Variants in CBL observed in about 807,000 individuals in gnomAD.
CBL encodes Cbl proto-oncogene, also known as E3 ubiquitin-protein ligase CBL.
In CBL, 45 loss-of-function variants were observed where a neutral mutation model predicts 96.9. The ratio of observed to expected loss-of-function variants is 0.46; its 90% CI spans 0.37 to 0.60. The LOEUF is 0.60. Among genes scored for constraint, CBL ranks in the 20% least tolerant of loss-of-function variants. The pLI is 0.00. For synonymous variants in CBL, 420 were observed against 426.8 expected (o/e 0.98, Z 0.20); for missense variants, 1,024 against 1,143.5 (o/e 0.90, Z 1.51).
At chr11:119,266,777 A>G (rs1398144016) in intron 2 of CBL, among the ~76,000 whole-genome samples, 1 of 152,216 alleles carries the variant, frequency 6.6e-6, no homozygotes, top group Non-Finnish European at 1.5e-5. Flanking sequence ...TTAGAGTGGA[A>G]GGCGAATGAC....
At chr11:119,216,384 A>ATTTTTTTT (rs1052118466) in intron 1 of CBL, among the ~76,000 whole-genome samples, 1 of 136,092 alleles carries the variant, frequency 7.3e-6, no homozygotes, top group East Asian at 2.1e-4. Context: ...TTATTTATTT[A>ATTTTTTTT]TTTTTTGAGA....
intron 12 of CBL, among the ~76,000 whole-genome samples, chr11:119,292,711 C>T (rs1211542268): frequency 1.2e-4 from 18 of 152,252 alleles, no homozygotes; most frequent in African/African-American, 3.9e-4. Context: ...TGAGCCACTG[C>T]GCCCGGCCTA....
At chr11:119,279,172 CT>C (rs757371706) in intron 9 of CBL, among the ~76,000 whole-genome samples, 432 of 144,500 alleles carry the variant, frequency 3.0e-3, no homozygotes, top group Non-Finnish European at 3.2e-3. Flanking sequence ...GTTCTGTTCC[CT>C]TTTTTTTTTT....
In CBL at chr11:119,305,825, C is replaced by T. The variant is rs1338090692; in HGVS notation, c.*6044C>T. ...ATCTTATATTTCTCTCATCTCAGAG[C>T]CTGTCCTGAGTTGTAAGGTATTTCA... On this transcript the variant is annotated 3_prime_UTR_variant, in exon 16 of 16. Coordinates refer to ENST00000264033, the MANE Select transcript of CBL (RefSeq NM_005188.4). 8.6e-6 allele frequency: 2 copies of T among 232,026 alleles called. No homozygotes were observed. The highest frequency in any genetic ancestry group is 5.6e-5 in the Admixed American group (1 of 17,704). The allele number at this position is 232,026 out of a possible 1,614,324, so 14.4% of individuals were successfully genotyped here.
chr11:119,261,727 T>G (rs1483517138), intron 2 of CBL, among the ~76,000 whole-genome samples: 1 of 152,210 alleles, frequency 6.6e-6, no homozygotes, highest in Non-Finnish European at 1.5e-5. Context: ...AAAGTTGTCT[T>G]TCAGAGCTCG....
At chr11:119,248,417 C>G (rs1272401041) in intron 2 of CBL, among the ~76,000 whole-genome samples, 1 of 151,976 alleles carries the variant, frequency 6.6e-6, no homozygotes, top group African/African-American at 2.4e-5. Context: ...TTATCACATT[C>G]AAAAGAATGA....
chr11:119,252,780 TG>T (rs1949679688), intron 2 of CBL, among the ~76,000 whole-genome samples: 1 of 330 alleles, frequency 3.0e-3, no homozygotes, highest in Non-Finnish European at 8.1e-3. Context: ...TTGGGAGGGC[TG>T]AGGGCAGGAG....
chr11:119,301,359 C>T lies in CBL; in HGVS notation c.*1578C>T, dbSNP rs529684226. On this transcript the variant is annotated 3_prime_UTR_variant, in exon 16 of 16. Transcript: ENST00000264033. ...TTTTATATGCTGATAAATGATCCCTCGAGTTCAGTTAGTATTCTGTCCAGA... is the reference window on the plus strand; with the variant it reads ...TTTTATATGCTGATAAATGATCCCTTGAGTTCAGTTAGTATTCTGTCCAGA... 3.4e-5 allele frequency: 8 copies of T among 233,118 alleles called. No homozygotes were observed. Among genetic ancestry groups the T allele is most frequent in the African/African-American group, 6.6e-5 (3 of 45,330 alleles). The allele number at this position is 233,118 out of a possible 1,614,324, so 14.4% of individuals were successfully genotyped here.
chr11:119,287,865 G>A lies in CBL; in HGVS notation c.1955G>A (p.Ser652Asn). The change falls in exon 12 of 16, where the codon AGC (serine) becomes AAC (asparagine). Residue 652 changes from serine (S) to asparagine (N), a missense_variant. Transcript: ENST00000264033. ...SLDTSMSMNS[S>N]PLVGPECDHP... ...TTTACTTTCCAGAGTATGAATAGCA[G>A]CCCATTAGTAGGTCCAGAGTGTGAC... 1 of 1,610,170 alleles carries A rather than the reference G, an allele frequency of 6.2e-7. No homozygotes were observed. Among genetic ancestry groups the A allele is most frequent in the South Asian group, 1.1e-5 (1 of 91,020 alleles).
intron 2 of CBL, among the ~76,000 whole-genome samples, chr11:119,268,008 G>T (rs1445706516): frequency 6.6e-6 from 1 of 152,180 alleles, no homozygotes; most frequent in Non-Finnish European, 1.5e-5. Context: ...GAGAAACAAA[G>T]AAGAGAGGCA....
rs200566020 is a variant in CBL at position 119,298,539 on chromosome 11, A to G, written c.2433A>G (p.Thr811=). The G allele has an allele frequency of 1.1e-5, 18 of 1,613,904 alleles. No individual in the cohort carries two copies. Among genetic ancestry groups the G allele is most frequent in the Non-Finnish European group, 1.5e-5 (18 of 1,179,874 alleles). The change falls in exon 15 of 16, where the codon ACA becomes ACG. Residue 811 remains threonine (T), a splice_region_variant and synonymous_variant. Transcript: ENST00000264033. ...TGTCTCTGGATGGTGATCCTACAAC[A>G]AGTGAGTCTCCAGACTACTTTGGGT... ...GWLSLDGDPT[T]NVTEGSQVPE...
At chr11:119,212,375 C>T (rs1028757537) in intron 1 of CBL, among the ~76,000 whole-genome samples, 7 of 151,744 alleles carry the variant, frequency 4.6e-5, no homozygotes, top group African/African-American at 1.7e-4. Flanking sequence ...CTTATAATCC[C>T]AGCACTTTGG....
intron 2 of CBL, among the ~76,000 whole-genome samples, chr11:119,233,723 T>G (rs774532611): frequency 6.6e-6 from 1 of 152,168 alleles, no homozygotes; most frequent in Non-Finnish European, 1.5e-5. Flanking sequence ...CCACTAGAAT[T>G]TTTTAGTGAG....
At position 119,273,915 on chromosome 11, in the gene CBL, A is replaced by G. The variant is rs1249561626; in HGVS notation, c.638A>G (p.His213Arg). ...TTTCGACAGGCTCTACATGAAGTGC[A>G]TCCCATCAGTTCTGGGCTGGAGGCC... is the stretch of plus-strand genomic sequence containing the variant. ...KSFRQALHEVHPISSGLEAMA... is the reference protein window; with the variant it reads ...KSFRQALHEVRPISSGLEAMA... Residue 213 changes from histidine to arginine, a missense_variant, in exon 4 of 16, where the codon CAT becomes CGT. His to Arg is a conservative substitution (Grantham distance 29). Coordinates refer to ENST00000264033, the MANE Select transcript of CBL (RefSeq NM_005188.4). The G allele has an allele frequency of 6.2e-7, 1 of 1,614,048 alleles. No homozygotes were observed. The highest frequency in any genetic ancestry group is 1.7e-5 in the Admixed American group (1 of 60,034).
chr11:119,208,275 C>G (rs767729781), intron 1 of CBL, among the ~76,000 whole-genome samples: 1 of 152,002 alleles, frequency 6.6e-6, no homozygotes, highest in Non-Finnish European at 1.5e-5. Context: ...AGAAAAAATA[C>G]TTTTCTAATG....
chr11:119,257,787 C>A, intron 2 of CBL, among the ~76,000 whole-genome samples: 1 of 152,136 alleles, frequency 6.6e-6, no homozygotes, highest in East Asian at 1.9e-4. Flanking sequence ...TTTCCCAGCA[C>A]CATTTATTAA....
chr11:119,274,853 A>C lies in CBL; in HGVS notation c.769A>C (p.Asn257His). The change falls in exon 5 of 16, where the codon AAT becomes CAT. Residue 257 changes from asparagine to histidine, a missense_variant. Physicochemically the swap from Asn to His is moderately conservative, Grantham distance 68. This residue lies in a region of CBL where 192 missense variants were observed against 321.8 expected (regional missense o/e 0.60). Coordinates refer to ENST00000264033, the MANE Select transcript of CBL (RefSeq NM_005188.4). ...TTAGCCCTGGTCCTCTTTGCTCAGG[A>C]ATTGGAACAGCCTTGCTGTAACTCA... ...LFQPWSSLLR[N>H]WNSLAVTHPG... is the part of the protein sequence containing the mutation. 6.2e-7 allele frequency: 1 copy of C among 1,613,542 alleles called. No individual in the cohort carries two copies. The highest frequency in any genetic ancestry group is 2.2e-5 in the East Asian group (1 of 44,840).
At chr11:119,234,083 C>G (rs957723035) in intron 2 of CBL, among the ~76,000 whole-genome samples, 1 of 152,072 alleles carries the variant, frequency 6.6e-6, no homozygotes, top group Admixed American at 6.6e-5. Context: ...CTTGGCTCAC[C>G]GCAACCTCCG....
chr11:119,296,043 A>G (rs977226722), intron 12 of CBL, among the ~76,000 whole-genome samples: 1 of 152,208 alleles, frequency 6.6e-6, no homozygotes. Context: ...AAAAAACCTC[A>G]AGTGAGATTA....
Sources: gnomAD v4.1 joint callset for allele counts (sites outside exome capture counted in the v4.1 genomes callset) on GRCh38, gnomAD v4.1.1 for gene constraint, gnomAD v4.1.1 regional missense constraint, MANE v1.5 for transcripts, NCBI Gene and HGNC (gene_info 2026-07-23, HGNC 2026-07-21) for gene names.